The following CNTN5 variants were observed in gnomAD, a reference collection of about 807,000 sequenced individuals.
CNTN5 encodes contactin-5.
In CNTN5, 77 loss-of-function variants were observed where a neutral mutation model predicts 129.1. That is an observed-to-expected ratio of 0.60 (90% CI 0.50 to 0.72). The LOEUF is 0.72. Among genes scored for constraint, CNTN5 ranks in the 30% least tolerant of loss-of-function variants. The pLI is 0.00. For missense variants in CNTN5, 1,478 were observed against 1,328.8 expected, an observed-to-expected ratio of 1.11 and a Z score of -1.75; for synonymous variants, 509 against 465.6, an observed-to-expected ratio of 1.09 and a Z score of -1.20.
At chr11:100,096,609 C>T (rs900115919) in intron 13 of CNTN5, among the ~76,000 whole-genome samples, 1 of 152,034 alleles carries the variant, frequency 6.6e-6, no homozygotes, top group Non-Finnish European at 1.5e-5. Flanking sequence ...CCAAAACGTA[C>T]AAATTATGAC....
intron 13 of CNTN5, among the ~76,000 whole-genome samples, chr11:100,117,311 C>A (rs1234803085): frequency 6.6e-6 from 1 of 151,876 alleles, no homozygotes; most frequent in Non-Finnish European, 1.5e-5. Flanking sequence ...TGAGCCACAT[C>A]CCTGTACTTT....
rs74747039 is a variant in CNTN5 at position 99,406,700 on chromosome 11, G to A, written c.-71+81216G>A. Among the ~76,000 whole-genome samples, 203 of 152,270 alleles carry A rather than the reference G, an allele frequency of 1.3e-3. 1 individual carries two copies. Among genetic ancestry groups the A allele is most frequent in the South Asian group, 1.9e-3 (9 of 4,824 alleles). On this transcript the variant is annotated intron_variant, in intron 2 of 24. Coordinates refer to ENST00000524871, the MANE Select transcript of CNTN5 (RefSeq NM_014361.4). ...TGCTATCTGGGAGCCAGGGACTATA[G>A]CCAAAAACCTTAGAAGTTTACCTGG...
At chr11:99,387,755 T>C (rs10790708) in intron 2 of CNTN5, among the ~76,000 whole-genome samples, 34,943 of 152,074 alleles carry the variant, frequency 0.23, 4,035 homozygotes, top group South Asian at 0.33. Context: ...TTTGACCTTA[T>C]GCTGGGATAT....
chr11:99,092,957 G>A (rs1254265968), intron 1 of CNTN5, among the ~76,000 whole-genome samples: 1 of 151,788 alleles, frequency 6.6e-6, no homozygotes, highest in African/African-American at 2.4e-5. Context: ...GCCAAAAATG[G>A]CAACTTTTAC....
At chr11:99,933,270 A>G (rs1438569782) in intron 7 of CNTN5, among the ~76,000 whole-genome samples, 1 of 152,210 alleles carries the variant, frequency 6.6e-6, no homozygotes, top group African/African-American at 2.4e-5. Context: ...CTCAGTTGGC[A>G]AATTAATATT....
intron 3 of CNTN5, among the ~76,000 whole-genome samples, chr11:99,706,628 G>T (rs78171710): frequency 0.023 from 3,509 of 151,424 alleles, 136 homozygotes; most frequent in African/African-American, 0.079. Flanking sequence ...GGTGTCGTCA[G>T]AAACTATTTT....
chr11:99,709,984 T>C (rs1189828070), intron 3 of CNTN5, among the ~76,000 whole-genome samples: 1 of 151,926 alleles, frequency 6.6e-6, no homozygotes, highest in Non-Finnish European at 1.5e-5. Context: ...GCTGTGTCTT[T>C]ACACAGTTCA....
chr11:99,759,048 G>A (rs1255136715), intron 3 of CNTN5, among the ~76,000 whole-genome samples: 2 of 152,022 alleles, frequency 1.3e-5, no homozygotes, highest in Non-Finnish European at 2.9e-5. Flanking sequence ...TTTTAAGTCG[G>A]TACAAGTTGC....
intron 1 of CNTN5, among the ~76,000 whole-genome samples, chr11:99,257,823 T>G (rs1000147874): frequency 1.3e-5 from 2 of 151,976 alleles, no homozygotes; most frequent in African/African-American, 2.4e-5. Flanking sequence ...TATGAGAGGA[T>G]CACAATCATA....
chr11:100,248,826 T>C lies in CNTN5; in HGVS notation c.2006-6934T>C, dbSNP rs76852833. Among the ~76,000 whole-genome samples, 471 of 152,278 alleles carry C rather than the reference T, an allele frequency of 3.1e-3. 29 individuals are homozygous for C. In the East Asian group the frequency reaches 0.076, roughly 25 times the overall value. ...ATCACACCATAAGGACTCTACAGCC[T>C]GGCACCACTAGTTGCTGTCTACAAG... is the stretch of plus-strand genomic sequence containing the variant. On this transcript the variant is annotated intron_variant, in intron 16 of 24. Transcript: ENST00000524871.
At chr11:99,992,167 A>G (rs1277767138) in intron 8 of CNTN5, among the ~76,000 whole-genome samples, 2 of 152,194 alleles carry the variant, frequency 1.3e-5, no homozygotes, top group Non-Finnish European at 2.9e-5. Context: ...AGTCCAGCCA[A>G]ATTCTCAAGG....
At chr11:100,003,765 C>A (rs919269553) in intron 9 of CNTN5, 3 of 152,224 alleles carry the variant, frequency 2.0e-5, no homozygotes, top group African/African-American at 7.2e-5. Flanking sequence ...TTTTCTTCAA[C>A]CTTTCTACTC....
intron 2 of CNTN5, among the ~76,000 whole-genome samples, chr11:99,477,102 T>C: frequency 6.6e-6 from 1 of 151,950 alleles, no homozygotes; most frequent in South Asian, 2.1e-4. Flanking sequence ...TATATTGAAT[T>C]TATTTAATTT....
chr11:99,386,164 A>G (rs1222305879), intron 2 of CNTN5, among the ~76,000 whole-genome samples: 1 of 152,192 alleles, frequency 6.6e-6, no homozygotes, highest in Non-Finnish European at 1.5e-5. Context: ...GCCCACCTCC[A>G]ACCTGGGTAA....
At chr11:99,998,947 A>G (rs1939656371) in intron 8 of CNTN5, among the ~76,000 whole-genome samples, 1 of 151,932 alleles carries the variant, frequency 6.6e-6, no homozygotes, top group Non-Finnish European at 1.5e-5. Context: ...AAAACTGGCT[A>G]GCCATATGTA....
rs563351432 is a variant in CNTN5 at position 99,892,069 on chromosome 11, C to A, written c.578-23985C>A. ...CTAATAGTGGTTTTGATTTGCATTTCTCTAATGTAATGATGAGCTTTTCTT... is the reference window on the plus strand; with the variant it reads ...CTAATAGTGGTTTTGATTTGCATTTATCTAATGTAATGATGAGCTTTTCTT... On this transcript the variant is annotated intron_variant, in intron 6 of 24. Coordinates refer to ENST00000524871, the MANE Select transcript of CNTN5 (RefSeq NM_014361.4). Among the ~76,000 whole-genome samples, 28 of 152,044 alleles carry A rather than the reference C, an allele frequency of 1.8e-4. 1 individual carries two copies. Among genetic ancestry groups the A allele is most frequent in the South Asian group, 1.2e-3 (6 of 4,830 alleles).
intron 1 of CNTN5, among the ~76,000 whole-genome samples, chr11:99,261,728 A>G (rs1862637760): frequency 6.6e-6 from 1 of 152,004 alleles, no homozygotes; most frequent in Non-Finnish European, 1.5e-5. Context: ...GAAGATAGGT[A>G]AGGTGATAGG....
At chr11:99,345,732 A>G (rs888271107) in intron 2 of CNTN5, among the ~76,000 whole-genome samples, 1 of 152,294 alleles carries the variant, frequency 6.6e-6, no homozygotes, top group East Asian at 1.9e-4. Context: ...AATGTAGATT[A>G]TATATATTTG....
chr11:100,053,860 A>T (rs1446341606), intron 9 of CNTN5, among the ~76,000 whole-genome samples: 1 of 151,836 alleles, frequency 6.6e-6, no homozygotes, highest in African/African-American at 2.4e-5. Flanking sequence ...CCATATATCG[A>T]TATACTCCTC....
Sources: gnomAD v4.1 joint callset for allele counts (sites outside exome capture counted in the v4.1 genomes callset) on GRCh38, gnomAD v4.1.1 for gene constraint, MANE v1.5 for transcripts, NCBI Gene and HGNC (gene_info 2026-07-23, HGNC 2026-07-21) for gene names.